Variants in KANK1 observed in about 807,000 individuals in gnomAD.
The protein encoded by KANK1 is KN motif and ankyrin repeat domain-containing protein 1.
In KANK1, 109 loss-of-function variants were observed where a neutral mutation model predicts 106.2. That is an observed-to-expected ratio of 1.03 (90% CI 0.88 to 1.20). The LOEUF (loss-of-function observed/expected upper bound fraction) is 1.20. KANK1 is among the 50% of genes most tolerant of loss of function. KANK1 has a pLI of 0.00. For missense variants in KANK1, 2,399 were observed against 1,710.7 expected (o/e 1.40, Z -7.10); for synonymous variants, 873 against 652.2 (o/e 1.34, Z -5.16).
chr9:644,228 A>G (rs758757804), intron 1 of KANK1, among the ~76,000 whole-genome samples: 2 of 150,964 alleles, frequency 1.3e-5, no homozygotes, highest in African/African-American at 2.5e-5. Flanking sequence ...AGACCGAACT[A>G]TAGTGTCTTC....
intron 3 of KANK1, among the ~76,000 whole-genome samples, chr9:483,239 C>T (rs1190608982): frequency 6.6e-6 from 1 of 152,048 alleles, no homozygotes; most frequent in Non-Finnish European, 1.5e-5. Flanking sequence ...CCTCTGGGGT[C>T]TTGGAACATA....
chr9:721,560 G>C (rs972022214), intron 3 of KANK1, among the ~76,000 whole-genome samples: 1 of 152,188 alleles, frequency 6.6e-6, no homozygotes, highest in African/African-American at 2.4e-5. Flanking sequence ...GAAAACCAGA[G>C]AGAGAAAAAT....
intron 1 of KANK1, among the ~76,000 whole-genome samples, chr9:636,002 C>T (rs1363243617): frequency 6.6e-6 from 1 of 152,144 alleles, no homozygotes; most frequent in Non-Finnish European, 1.5e-5. Context: ...GGCACAAACT[C>T]AGTTTCTGCG....
Position 745,417 on chromosome 9 carries a change from C to T in KANK1, c.*182C>T. ...AGACTGCTAGCCTGGGCACACACAC[C>T]TCCTTTCTGGCCGTCTTCTGTGTAG... On this transcript the variant is annotated 3_prime_UTR_variant, in exon 12 of 12. Coordinates refer to ENST00000382297, the MANE Select transcript of KANK1 (RefSeq NM_015158.5). 1 of 615,848 alleles carries T rather than the reference C, an allele frequency of 1.6e-6. No homozygotes were observed. Among genetic ancestry groups the T allele is most frequent in the Non-Finnish European group, 2.8e-6 (1 of 355,792 alleles). 38.1% of individuals were successfully genotyped at this position (615,848 alleles called of 1,614,324 possible). A position where few individuals can be genotyped will look rare whatever the true frequency, so the allele number is the denominator to read the frequency against.
At chr9:530,277 A>G (rs1360183553) in intron 1 of KANK1, among the ~76,000 whole-genome samples, 1 of 152,242 alleles carries the variant, frequency 6.6e-6, no homozygotes, top group Non-Finnish European at 1.5e-5. Context: ...TAATATCATG[A>G]AGAGAAAAAG....
chr9:517,492 A>G (rs2059335789), intron 1 of KANK1, among the ~76,000 whole-genome samples: 1 of 151,730 alleles, frequency 6.6e-6, no homozygotes, highest in Admixed American at 6.5e-5. Context: ...GGTTTATTTT[A>G]GCCAACCTGA....
intron 1 of KANK1, among the ~76,000 whole-genome samples, chr9:625,877 C>A (rs560408503): frequency 6.6e-6 from 1 of 152,120 alleles, no homozygotes; most frequent in Non-Finnish European, 1.5e-5. Flanking sequence ...GTTCATTTCC[C>A]GGTTTTAACC....
chr9:574,145 T>C (rs991203458), intron 1 of KANK1, among the ~76,000 whole-genome samples: 1 of 152,222 alleles, frequency 6.6e-6, no homozygotes, highest in Non-Finnish European at 1.5e-5. Flanking sequence ...CTGCCGCACA[T>C]GTTTGAAAAG....
chr9:520,865 T>G lies in KANK1; in HGVS notation c.-84+16111T>G, dbSNP rs534415649. Among the ~76,000 whole-genome samples, 6 of 151,864 alleles carry G rather than the reference T, an allele frequency of 4.0e-5. No individual in the cohort carries two copies. The South Asian group carries it at 1.2e-3, about 31-fold the overall frequency. On this transcript the variant is annotated intron_variant, in intron 1 of 11. Transcript: ENST00000382297. ...CAAGAAGTTACACTTCTTCCTCTCT[T>G]GACTTTTATATCTTGATTTTGCATG...
chr9:586,772 G>C (rs146809325), intron 1 of KANK1, among the ~76,000 whole-genome samples: 2 of 152,274 alleles, frequency 1.3e-5, no homozygotes, highest in African/African-American at 2.4e-5. Context: ...CAGTGGTGGA[G>C]AGTCACGAGA....
intron 1 of KANK1, among the ~76,000 whole-genome samples, chr9:525,606 C>T (rs964607059): frequency 2.6e-5 from 4 of 151,562 alleles, no homozygotes; most frequent in Admixed American, 6.6e-5. Flanking sequence ...GTCTCGAACT[C>T]GTGGCCTCAA....
At chr9:529,294 C>CTTT (rs774768030) in intron 1 of KANK1, among the ~76,000 whole-genome samples, 1 of 144,878 alleles carries the variant, frequency 6.9e-6, no homozygotes. Context: ...CATATATACA[C>CTTT]TTTTTTTTTT....
At position 740,886 on chromosome 9, in the gene KANK1, T is replaced by C. The variant is rs758573955; in HGVS notation, c.3648T>C (p.Ile1216=). 7 of 1,614,070 alleles carry C rather than the reference T, an allele frequency of 4.3e-6. 1 individual carries two copies. In the South Asian group the frequency reaches 5.5e-5, roughly 13 times the overall value. ...AAVEAEKDMR[I]VEELFGCGDV... ...TGGAAGCAGAGAAGGACATGCGGAT[T>C]GTGGAAGAACTCTTCGGCTGTGGGG... Residue 1216 remains isoleucine, a synonymous_variant, in exon 9 of 12, where the codon ATT becomes ATC. Coordinates refer to ENST00000382297, the MANE Select transcript of KANK1 (RefSeq NM_015158.5).
intron 2 of KANK1, among the ~76,000 whole-genome samples, chr9:692,943 A>C (rs902445918): frequency 2.0e-5 from 3 of 152,138 alleles, no homozygotes; most frequent in African/African-American, 7.2e-5. Flanking sequence ...TTGAGGCTAC[A>C]GTGAGCTGTG....
intron 1 of KANK1, among the ~76,000 whole-genome samples, chr9:608,736 A>G (rs1394343614): frequency 6.6e-6 from 1 of 152,208 alleles, no homozygotes; most frequent in Non-Finnish European, 1.5e-5. Context: ...TGGCTGACGA[A>G]CCACACCTGA....
exon 3 of KANK1, chr9:473,271 A>G (rs1391150497): frequency 6.6e-6 from 1 of 152,234 alleles, no homozygotes; most frequent in African/African-American, 2.4e-5. Flanking sequence ...ACAGAATTTG[A>G]ACGTGAGTCT....
chr9:714,521 A>C (rs934590115), intron 3 of KANK1, among the ~76,000 whole-genome samples: 1 of 151,896 alleles, frequency 6.6e-6, no homozygotes, highest in Non-Finnish European at 1.5e-5. Flanking sequence ...CACTATGCCC[A>C]GCCACTTTTG....
At chr9:685,902 A>G (rs912163) in intron 2 of KANK1, among the ~76,000 whole-genome samples, 83,657 of 151,964 alleles carry the variant, frequency 0.55, 24,486 homozygotes, top group East Asian at 0.9. Flanking sequence ...GTCCTGCCCA[A>G]TTTTCCCATC....
intron 3 of KANK1, among the ~76,000 whole-genome samples, chr9:484,046 T>G (rs1000219928): frequency 6.6e-6 from 1 of 152,220 alleles, no homozygotes; most frequent in African/African-American, 2.4e-5. Flanking sequence ...GGTGCCAGTT[T>G]GCACCACGAG....
Sources: allele counts gnomAD v4.1 joint callset (sites outside exome capture counted in the v4.1 genomes callset), GRCh38; gene constraint gnomAD v4.1.1; transcripts MANE v1.5; gene names NCBI Gene and HGNC (gene_info 2026-07-23, HGNC 2026-07-21).